The following MTUS2 variants were observed in gnomAD, a reference collection of about 807,000 sequenced individuals.
MTUS2 encodes microtubule associated scaffold protein 2.
Under a neutral mutation model 114.1 loss-of-function variants are expected in MTUS2, and 40 were observed. That is an observed-to-expected ratio of 0.35 (90% CI 0.27 to 0.46). The LOEUF (loss-of-function observed/expected upper bound fraction) is 0.46, where lower values mean the gene tolerates loss of function less well. Among genes scored for constraint, MTUS2 ranks in the 20% least tolerant of loss-of-function variants. The pLI, the probability that MTUS2 is intolerant of heterozygous loss-of-function variation, is 1.00. For synonymous variants in MTUS2, 688 were observed against 672.0 expected (o/e 1.02, Z -0.37); for missense variants, 1,679 against 1,705.4 (o/e 0.98, Z 0.27).
chr13:28,936,798 G>A (rs1269290873), intron 2 of MTUS2, among the ~76,000 whole-genome samples: 1 of 152,200 alleles, frequency 6.6e-6, no homozygotes, highest in Non-Finnish European at 1.5e-5. Flanking sequence ...AGATGGTGCC[G>A]AATGCTCAGT....
chr13:29,086,794 C>A (rs1593461015), intron 4 of MTUS2, among the ~76,000 whole-genome samples: 1 of 152,192 alleles, frequency 6.6e-6, no homozygotes, highest in Non-Finnish European at 1.5e-5. Flanking sequence ...TCTATTATTT[C>A]TTTCAGCAAT....
chr13:29,209,476 C>T (rs1895331784), intron 5 of MTUS2, among the ~76,000 whole-genome samples: 2 of 151,318 alleles, frequency 1.3e-5, no homozygotes, highest in Non-Finnish European at 2.9e-5. Flanking sequence ...TTGGTTGTTG[C>T]CTGAATACCT....
rs528007280 is a variant in MTUS2 at position 29,046,257 on chromosome 13, C to T, written c.2446+12132C>T. On this transcript the variant is annotated intron_variant, in intron 4 of 15. Coordinates refer to ENST00000612955, the MANE Select transcript of MTUS2 (RefSeq NM_001033602.4). ...CCTTCCAAGCAGCTGGGACTATAGGCGTGCACCACCATACCTGGCTAATTT... is the reference window on the plus strand; with the variant it reads ...CCTTCCAAGCAGCTGGGACTATAGGTGTGCACCACCATACCTGGCTAATTT... Among the ~76,000 whole-genome samples the T allele has an allele frequency of 2.1e-4, 30 of 141,672 alleles. 1 individual carries two copies. The highest frequency in any genetic ancestry group is 5.1e-4 in the South Asian group (2 of 3,948). 92.9% of individuals were successfully genotyped at this position (141,672 alleles called of 152,430 possible).
intron 8 of MTUS2, among the ~76,000 whole-genome samples, chr13:29,382,587 C>T (rs1872298867): frequency 6.6e-6 from 1 of 152,104 alleles, no homozygotes. Flanking sequence ...GTTTGTGGTG[C>T]CTTTGAAACA....
intron 5 of MTUS2, among the ~76,000 whole-genome samples, chr13:29,119,334 C>T (rs1891214270): frequency 6.6e-6 from 1 of 151,848 alleles, no homozygotes; most frequent in Admixed American, 6.6e-5. Flanking sequence ...TGTTGCTGGA[C>T]CTTGTGGACA....
At chr13:29,357,304 A>G (rs1459025470) in intron 7 of MTUS2, among the ~76,000 whole-genome samples, 1 of 152,232 alleles carries the variant, frequency 6.6e-6, no homozygotes, top group Non-Finnish European at 1.5e-5. Flanking sequence ...GCTAACGTCC[A>G]CAAGCTCAGA....
At chr13:29,270,028 G>C (rs1044404760) in intron 5 of MTUS2, among the ~76,000 whole-genome samples, 1 of 152,140 alleles carries the variant, frequency 6.6e-6, no homozygotes, top group African/African-American at 2.4e-5. Context: ...GCAGAGAGTG[G>C]AATGGTGGTT....
intron 5 of MTUS2, among the ~76,000 whole-genome samples, chr13:29,214,448 T>G (rs1046220778): frequency 2.0e-5 from 3 of 152,256 alleles, no homozygotes; most frequent in Non-Finnish European, 2.9e-5. Flanking sequence ...AGTTTCTTCA[T>G]AATGTCGTTG....
At chr13:29,214,729 ACT>A (rs1315894613) in intron 5 of MTUS2, among the ~76,000 whole-genome samples, 1 of 152,168 alleles carries the variant, frequency 6.6e-6, no homozygotes, top group Non-Finnish European at 1.5e-5. Flanking sequence ...AGAGAGATCC[ACT>A]GTTAGTCTGA....
rs777593143 is a variant in MTUS2, at chr13:29,505,459, G to GT, written c.*2256dup. On this transcript the variant is annotated 3_prime_UTR_variant, in exon 16 of 16. Coordinates refer to ENST00000612955, the MANE Select transcript of MTUS2 (RefSeq NM_001033602.4). ...CCACGTGGCCCTGGCTTCGTGGTTT[G>GT]TTTGTTTTTTTTCTTTTGTTACGGA... The GT allele has an allele frequency of 0.046, 3,144 of 68,936 alleles. 68 individuals carry two copies. The highest frequency in any genetic ancestry group is 0.11 in the African/African-American group (2,418 of 21,448). 4.3% of individuals were successfully genotyped at this position (68,936 alleles called of 1,614,324 possible).
chr13:29,061,532 A>G (rs1888418957), intron 4 of MTUS2, among the ~76,000 whole-genome samples: 1 of 152,090 alleles, frequency 6.6e-6, no homozygotes, highest in African/African-American at 2.4e-5. Flanking sequence ...AGGTTTTTGG[A>G]TATTTTGTGG....
chr13:29,210,886 A>C lies in MTUS2; in HGVS notation c.2645-70818A>C, dbSNP rs141789180. Among the ~76,000 whole-genome samples the C allele has an allele frequency of 8.5e-3, 1,296 of 152,100 alleles. 11 individuals carry two copies. Among genetic ancestry groups the C allele is most frequent in the Middle Eastern group, 0.024 (7 of 294 alleles). ...TTGTTTGTAGTTTTTAGTGCACTGG[A>C]TTAGTGTTGGTTGGCCTCCAGCCAG... On this transcript the variant is annotated intron_variant, in intron 5 of 15. Transcript: ENST00000612955.
Position 29,100,872 on chromosome 13 carries a change from T to C in MTUS2, c.2546T>C (p.Leu849Pro). 1 of 1,559,042 alleles carries C rather than the reference T, an allele frequency of 6.4e-7. No individual in the cohort carries two copies. Among genetic ancestry groups the C allele is most frequent in the Non-Finnish European group, 8.7e-7 (1 of 1,151,126 alleles). ...PGYSRLPAAK[L>P]AAFGFVRSSS... ...TACTCACGTCTCCCGGCAGCCAAACTGGCGGCATTTGGCTTTGTCCGGAGC... is the reference window on the plus strand; with the variant it reads ...TACTCACGTCTCCCGGCAGCCAAACCGGCGGCATTTGGCTTTGTCCGGAGC... Residue 849 changes from leucine to proline, a missense_variant, in exon 5 of 16, where the codon CTG (leucine) becomes CCG (proline). By Grantham distance (98) the Leu-to-Pro change is moderately conservative. Coordinates refer to ENST00000612955, the MANE Select transcript of MTUS2 (RefSeq NM_001033602.4).
In MTUS2 at chr13:29,025,647, C is replaced by T. The variant is rs201320645; in HGVS notation, c.949C>T (p.Pro317Ser). The T allele has an allele frequency of 7.8e-5, 126 of 1,613,890 alleles. No homozygotes were observed. Among genetic ancestry groups the T allele is most frequent in the Non-Finnish European group, 1.0e-4 (121 of 1,179,902 alleles). ...EAKLDLKYVP[P>S]RRVEQEGKAA... ...CAAGCTGGATCTGAAATATGTTCCT[C>T]CCAGGAGAGTTGAACAGGAGGGAAA... Residue 317 changes from proline to serine, a missense_variant, in exon 3 of 16, where the codon CCC becomes TCC. By Grantham distance (74) the Pro-to-Ser change is moderately conservative. Transcript: ENST00000612955.
chr13:28,996,739 A>G (rs1329916665), intron 2 of MTUS2, among the ~76,000 whole-genome samples: 3 of 152,042 alleles, frequency 2.0e-5, no homozygotes, highest in Non-Finnish European at 4.4e-5. Context: ...GGTATTGGTG[A>G]TGATATCCCC....
In MTUS2 at chr13:29,086,684, A is replaced by G. The variant is rs114446150; in HGVS notation, c.2447-14089A>G. Among the ~76,000 whole-genome samples the G allele has an allele frequency of 8.8e-3, 1,342 of 152,308 alleles. 7 individuals carry two copies. The highest frequency in any genetic ancestry group is 0.019 in the African/African-American group (773 of 41,558). On this transcript the variant is annotated intron_variant, in intron 4 of 15. Transcript: ENST00000612955. ...AAATGGCATTGATAGTTTGATAGGAATAACATTGAATCTGTAATTGCTTTG... is the reference window on the plus strand; with the variant it reads ...AAATGGCATTGATAGTTTGATAGGAGTAACATTGAATCTGTAATTGCTTTG...
At chr13:28,835,904 CTG>C (rs1437875362) in intron 1 of MTUS2, among the ~76,000 whole-genome samples, 6 of 150,902 alleles carry the variant, frequency 4.0e-5, no homozygotes, top group African/African-American at 7.3e-5. Flanking sequence ...GGGACAAACT[CTG>C]TGTGTTTAGC....
intron 4 of MTUS2, among the ~76,000 whole-genome samples, chr13:29,050,403 C>T (rs1291224175): frequency 1.3e-5 from 2 of 152,110 alleles, no homozygotes; most frequent in African/African-American, 2.4e-5. Flanking sequence ...CCAATCCACA[C>T]CTGGTTCTTA....
chr13:29,112,631 G>A (rs909039472), intron 5 of MTUS2, among the ~76,000 whole-genome samples: 3 of 152,142 alleles, frequency 2.0e-5, no homozygotes, highest in Non-Finnish European at 2.9e-5. Context: ...GAATGCTTAT[G>A]CTCTGAGGAG....
Sources: gnomAD v4.1 joint callset for allele counts (sites outside exome capture counted in the v4.1 genomes callset) on GRCh38, gnomAD v4.1.1 for gene constraint, MANE v1.5 for transcripts, NCBI Gene and HGNC (gene_info 2026-07-23, HGNC 2026-07-21) for gene names.